The following RAD51B variants were observed in gnomAD, a reference collection of about 807,000 sequenced individuals.
RAD51B encodes DNA repair protein RAD51 homolog 2.
Under a neutral mutation model 42.2 loss-of-function variants are expected in RAD51B, and 38 were observed. That is an observed-to-expected ratio of 0.90 (90% CI 0.70 to 1.18). The LOEUF is 1.18. Among genes scored for constraint, RAD51B ranks in the 50% most tolerant of loss-of-function variants. The pLI is 0.00. For missense variants in RAD51B, 373 were observed against 400.7 expected (o/e 0.93, Z 0.59); for synonymous variants, 154 against 145.2 (o/e 1.06, Z -0.43).
At chr14:68,538,109 C>A (rs1158071976) in intron 10 of RAD51B, among the ~76,000 whole-genome samples, 1 of 152,198 alleles carries the variant, frequency 6.6e-6, no homozygotes, top group East Asian at 1.9e-4. Flanking sequence ...CTTTCCAGTC[C>A]CATGGGCCAA....
At chr14:68,050,591 T>C (rs8015128) in intron 7 of RAD51B, among the ~76,000 whole-genome samples, 26,268 of 152,192 alleles carry the variant, frequency 0.17, 2,439 homozygotes, top group Middle Eastern at 0.35. Context: ...TAGGCATCTC[T>C]ATTCACACGC....
intron 11 of RAD51B, among the ~76,000 whole-genome samples, chr14:68,660,934 C>T (rs1892919794): frequency 6.6e-6 from 1 of 152,166 alleles, no homozygotes; most frequent in Admixed American, 6.5e-5. Flanking sequence ...GAAAGAGTGG[C>T]TGTCCCACAT....
intron 10 of RAD51B, among the ~76,000 whole-genome samples, chr14:68,536,973 C>G (rs991009516): frequency 2.7e-5 from 4 of 150,478 alleles, no homozygotes; most frequent in African/African-American, 9.8e-5. Context: ...TCCTGCTACT[C>G]GGGAGGCTGA....
chr14:68,415,203 C>G (rs905479254), intron 9 of RAD51B, among the ~76,000 whole-genome samples: 1 of 152,036 alleles, frequency 6.6e-6, no homozygotes, highest in Non-Finnish European at 1.5e-5. Context: ...AAAGCTCCCC[C>G]ATGTGATTCT....
chr14:67,870,108 A>G (rs367659348), intron 5 of RAD51B, among the ~76,000 whole-genome samples: 16 of 150,418 alleles, frequency 1.1e-4, no homozygotes, highest in Middle Eastern at 3.4e-3. Context: ...ATGTAAATGG[A>G]CTAAATGCTC....
At chr14:67,919,794 C>A (rs1431128610) in intron 7 of RAD51B, among the ~76,000 whole-genome samples, 1 of 152,136 alleles carries the variant, frequency 6.6e-6, no homozygotes, top group East Asian at 1.9e-4. Flanking sequence ...TACTTTTTCT[C>A]CCCTTCAGTT....
At chr14:68,534,057 AAC>A (rs901378283) in intron 10 of RAD51B, among the ~76,000 whole-genome samples, 1 of 152,224 alleles carries the variant, frequency 6.6e-6, no homozygotes, top group African/African-American at 2.4e-5. Context: ...AAACAATAAA[AAC>A]AGACAAGCAA....
At chr14:67,988,668 G>T (rs1449366299) in intron 7 of RAD51B, among the ~76,000 whole-genome samples, 2 of 152,086 alleles carry the variant, frequency 1.3e-5, no homozygotes, top group Non-Finnish European at 2.9e-5. Context: ...ACTGCAGCAG[G>T]AAGAGGCACT....
At chr14:68,425,298 G>T (rs973531898) in intron 9 of RAD51B, among the ~76,000 whole-genome samples, 1 of 152,092 alleles carries the variant, frequency 6.6e-6, no homozygotes, top group Non-Finnish European at 1.5e-5. Context: ...TATATGCTGC[G>T]GTTTGAATGT....
chr14:68,044,958 G>T (rs2076275109), intron 7 of RAD51B, among the ~76,000 whole-genome samples: 1 of 152,052 alleles, frequency 6.6e-6, no homozygotes, highest in Non-Finnish European at 1.5e-5. Context: ...TGAAATGACT[G>T]GCCAGGCGTG....
chr14:68,325,160 C>T (rs1359036323), intron 8 of RAD51B, among the ~76,000 whole-genome samples: 1 of 152,134 alleles, frequency 6.6e-6, no homozygotes, highest in Non-Finnish European at 1.5e-5. Flanking sequence ...TCCTTGTGTC[C>T]AACTTCTTAA....
chr14:68,385,152 G>A (rs2083565899), intron 8 of RAD51B, among the ~76,000 whole-genome samples: 1 of 152,040 alleles, frequency 6.6e-6, no homozygotes, highest in Non-Finnish European at 1.5e-5. Flanking sequence ...GGTCTCGGGG[G>A]AACAGTGAGA....
chr14:68,073,618 G>A (rs550467699), intron 7 of RAD51B, among the ~76,000 whole-genome samples: 8 of 152,168 alleles, frequency 5.3e-5, no homozygotes, highest in African/African-American at 1.7e-4. Flanking sequence ...TTATACTGTC[G>A]ATGGTCTTTG....
rs925349845 is a variant in RAD51B, at chr14:68,611,378, A to G, written c.*131A>G. On this transcript the variant is annotated 3_prime_UTR_variant, in exon 11 of 11. Transcript: ENST00000487861. The stretch of plus-strand genomic sequence containing the variant: ...CAGCAAAGGATGTCATGGTTTTACA[A>G]TGTCTCCAGTGAAAAAGTTCTTCTT... The G allele has an allele frequency of 1.7e-5, 11 of 630,970 alleles. No individual in the cohort carries two copies. The East Asian group carries it at 2.7e-4, about 16-fold the overall frequency. The allele number at this position is 630,970 out of a possible 1,614,324, so 39.1% of individuals were successfully genotyped here.
At chr14:68,246,678 G>GT (rs2080506247) in intron 7 of RAD51B, among the ~76,000 whole-genome samples, 1 of 152,156 alleles carries the variant, frequency 6.6e-6, no homozygotes, top group South Asian at 2.1e-4. Flanking sequence ...ACTCCAGGCT[G>GT]TTTTTTGCTA....
intron 10 of RAD51B, among the ~76,000 whole-genome samples, chr14:68,605,242 T>C (rs1891400052): frequency 1.3e-5 from 2 of 152,248 alleles, no homozygotes; most frequent in Non-Finnish European, 2.9e-5. Flanking sequence ...CTGTGTTATA[T>C]GTAAAATATT....
At chr14:68,493,359 G>A (rs1406088123) in intron 10 of RAD51B, among the ~76,000 whole-genome samples, 1 of 152,034 alleles carries the variant, frequency 6.6e-6, no homozygotes, top group Non-Finnish European at 1.5e-5. Flanking sequence ...AATCTGGATG[G>A]TATCTGCTGG....
chr14:67,908,506 T>C (rs2043854593), intron 7 of RAD51B: 1 of 151,826 alleles, frequency 6.6e-6, no homozygotes, highest in Non-Finnish European at 1.5e-5. Context: ...GCAGGAGTTT[T>C]GTTTTTTTTT....
chr14:68,020,748 T>C (rs577386646), intron 7 of RAD51B, among the ~76,000 whole-genome samples: 60 of 152,314 alleles, frequency 3.9e-4, no homozygotes, highest in South Asian at 2.7e-3. Flanking sequence ...GTTTAAATGG[T>C]AAATTTTATG....
Sources: allele counts gnomAD v4.1 joint callset (sites outside exome capture counted in the v4.1 genomes callset), GRCh38; gene constraint gnomAD v4.1.1; transcripts MANE v1.5; gene names NCBI Gene and HGNC (gene_info 2026-07-23, HGNC 2026-07-21).